EFCAB6: variants seen among roughly 807,000 people sequenced by gnomAD.
The protein encoded by EFCAB6 is EF-hand calcium binding domain 6, also known as EF-hand calcium-binding domain-containing protein 6.
A neutral mutation model predicts 169.8 loss-of-function variants in EFCAB6; 156 were observed. The ratio of observed to expected loss-of-function variants is 0.92; its 90% CI spans 0.81 to 1.05. The LOEUF (loss-of-function observed/expected upper bound fraction) is 1.05, where lower values mean the gene tolerates loss of function less well. Ranked by LOEUF, EFCAB6 falls within the 50% of genes least tolerant of loss-of-function variation. The pLI is 0.00. For missense variants in EFCAB6, 1,800 were observed against 1,829.1 expected (o/e 0.98, Z 0.29); for synonymous variants, 698 against 676.4 (o/e 1.03, Z -0.50).
intron 3 of EFCAB6, among the ~76,000 whole-genome samples, chr22:43,774,015 A>G (rs547334559): frequency 6.6e-6 from 1 of 152,270 alleles, no homozygotes; most frequent in South Asian, 2.1e-4. Context: ...CAAGACAAAG[A>G]CAACTAGAGG....
intron 3 of EFCAB6, 144 bp from the exon 4 acceptor site, chr22:43,773,247 A>G (rs2061536994): frequency 2.6e-6 from 2 of 768,966 alleles, no homozygotes; most frequent in Non-Finnish European, 2.0e-6. Context: ...TCACCGTTAG[A>G]TGACTTGTAA....
At chr22:43,750,693 T>C (rs1157763399) in intron 6 of EFCAB6, among the ~76,000 whole-genome samples, 3 of 152,224 alleles carry the variant, frequency 2.0e-5, no homozygotes, top group African/African-American at 7.2e-5. Context: ...CATGCTAATG[T>C]AGTGTTATAA....
intron 3 of EFCAB6, among the ~76,000 whole-genome samples, chr22:43,780,220 C>T (rs190125365): frequency 1.3e-5 from 2 of 152,206 alleles, no homozygotes; most frequent in Admixed American, 1.3e-4. Flanking sequence ...GGTGCGCTGG[C>T]TCATGCCTAT....
chr22:43,638,072 G>A (rs1476224928), intron 17 of EFCAB6, among the ~76,000 whole-genome samples: 2 of 152,092 alleles, frequency 1.3e-5, no homozygotes, highest in Admixed American at 6.5e-5. Context: ...CCAGGGGCAC[G>A]GAGCACCGGA....
In EFCAB6 at chr22:43,667,191, T is replaced by G. The variant is rs1339754653; in HGVS notation, c.1896A>C (p.Ile632=). The change falls in exon 17 of 32, where the codon ATA becomes ATC. Residue 632 remains isoleucine (I), a synonymous_variant. Transcript: ENST00000262726. ...TTTTGAATGCCGGGTCCTGCTGCTG[T>G]ATACACTTTTTGAATTTTTCAATCA... ...EEVIEKFKKC[I]QQQDPAFKKR... 1 of 1,614,060 alleles carries G rather than the reference T, an allele frequency of 6.2e-7. No individual in the cohort carries two copies. The highest frequency in any genetic ancestry group is 8.5e-7 in the Non-Finnish European group (1 of 1,180,028).
intron 26 of EFCAB6, among the ~76,000 whole-genome samples, chr22:43,566,276 G>C (rs1422737972): frequency 2.0e-5 from 3 of 152,196 alleles, no homozygotes; most frequent in Non-Finnish European, 2.9e-5. Flanking sequence ...AGGCTTTCTG[G>C]TGGCATAACT....
rs147598532 is a variant in EFCAB6 at position 43,545,472 on chromosome 22, C to T, written c.3649-5115G>A. Among the ~76,000 whole-genome samples the T allele has an allele frequency of 5.2e-3, 792 of 152,200 alleles. 4 individuals are homozygous for T. Among genetic ancestry groups the T allele is most frequent in the Middle Eastern group, 0.041 (12 of 294 alleles). On this transcript the variant is annotated intron_variant, in intron 27 of 31. Transcript: ENST00000262726. ...TTGCAAAGTTCACAAGGAAGTACAG[C>T]GAATCATTAAGGGCCAAGGAAAGCT... is the stretch of plus-strand genomic sequence containing the variant.
At chr22:43,675,531 C>A (rs2057716348) in intron 13 of EFCAB6, among the ~76,000 whole-genome samples, 1 of 140,444 alleles carries the variant, frequency 7.1e-6, no homozygotes, top group African/African-American at 2.6e-5. Context: ...ATTAAGTAAG[C>A]AATAAATCAG....
At chr22:43,739,972 C>T (rs2060307943) in intron 6 of EFCAB6, among the ~76,000 whole-genome samples, 1 of 152,120 alleles carries the variant, frequency 6.6e-6, no homozygotes, top group Admixed American at 6.5e-5. Context: ...ACCCGACTGG[C>T]TCCTGGCCAC....
At chr22:43,670,863 C>CCAGCAG (rs754391057) in intron 15 of EFCAB6, among the ~76,000 whole-genome samples, 1 of 151,808 alleles carries the variant, frequency 6.6e-6, no homozygotes, top group East Asian at 1.9e-4. Context: ...GGAGCTGAGA[C>CCAGCAG]CAGCAGCAGC....
chr22:43,590,339 G>T, intron 23 of EFCAB6, 110 bp from the exon 24 acceptor site: 1 of 1,282,274 alleles, frequency 7.8e-7, no homozygotes, highest in Non-Finnish European at 1.1e-6. Flanking sequence ...GCTCATCTAA[G>T]AACTAATTTT....
chr22:43,641,948 C>CT lies in EFCAB6; in HGVS notation c.1984-6733dup, dbSNP rs531899050. Among the ~76,000 whole-genome samples, 436 of 151,620 alleles carry CT rather than the reference C, an allele frequency of 2.9e-3. 2 individuals are homozygous for CT. The highest frequency in any genetic ancestry group is 0.027 in the Middle Eastern group (8 of 292). The stretch of plus-strand genomic sequence containing the variant: ...CAGGAGCATACAATTTGGAGACTGG[C>CT]TTTTTTTTTGAGATGGAGTTTCACT... On this transcript the variant is annotated intron_variant, in intron 17 of 31. Coordinates refer to ENST00000262726, the MANE Select transcript of EFCAB6 (RefSeq NM_022785.4).
intron 12 of EFCAB6, among the ~76,000 whole-genome samples, chr22:43,682,327 T>A (rs1295767331): frequency 6.6e-6 from 1 of 152,242 alleles, no homozygotes. Context: ...ATGGACTACG[T>A]ACTCAATTCT....
chr22:43,577,380 C>G (rs1015252205), intron 25 of EFCAB6, among the ~76,000 whole-genome samples: 2 of 152,176 alleles, frequency 1.3e-5, no homozygotes, highest in African/African-American at 4.8e-5. Context: ...ATTGGCCCAA[C>G]AGGGTGATGG....
chr22:43,712,410 A>C (rs989588974), intron 9 of EFCAB6, among the ~76,000 whole-genome samples: 14 of 152,238 alleles, frequency 9.2e-5, no homozygotes, highest in African/African-American at 3.4e-4. Context: ...CATTTTCTTA[A>C]AGAGCTCCTG....
At chr22:43,757,472 G>A (rs975922207) in intron 5 of EFCAB6, among the ~76,000 whole-genome samples, 22 of 151,376 alleles carry the variant, frequency 1.5e-4, no homozygotes, top group Admixed American at 4.6e-4. Flanking sequence ...ACTTGAACCC[G>A]GGAGGCAGAG....
intron 26 of EFCAB6, among the ~76,000 whole-genome samples, chr22:43,564,969 G>A (rs548280812): frequency 6.6e-6 from 1 of 152,294 alleles, no homozygotes; most frequent in South Asian, 2.1e-4. Context: ...CACCTCTATG[G>A]CCCCCCTGCT....
At chr22:43,682,139 T>G (rs1377431675) in intron 12 of EFCAB6, among the ~76,000 whole-genome samples, 2 of 151,718 alleles carry the variant, frequency 1.3e-5, no homozygotes, top group East Asian at 1.9e-4. Flanking sequence ...CGTAGTGGGG[T>G]GCATGGTGGG....
chr22:43,618,109 A>G (rs564736482), intron 20 of EFCAB6, among the ~76,000 whole-genome samples: 1 of 146,684 alleles, frequency 6.8e-6, no homozygotes, highest in South Asian at 2.2e-4. Context: ...CTCAAAAAAA[A>G]AATCTCAAAA....
Sources: gnomAD v4.1 joint callset for allele counts (sites outside exome capture counted in the v4.1 genomes callset) on GRCh38, gnomAD v4.1.1 for gene constraint, MANE v1.5 for transcripts, NCBI Gene and HGNC (gene_info 2026-07-23, HGNC 2026-07-21) for gene names.